KSR1: variants seen among roughly 807,000 people sequenced by gnomAD.
KSR1 encodes kinase suppressor of ras.
Under a neutral mutation model 92.9 loss-of-function variants are expected in KSR1, and 35 were observed. That is an observed-to-expected ratio of 0.38 (90% confidence interval 0.29 to 0.50). The LOEUF (loss-of-function observed/expected upper bound fraction) is 0.50. KSR1 is among the 20% of genes least tolerant of loss of function. KSR1 has a pLI of 0.94. For missense variants in KSR1, 972 were observed against 1,158.5 expected (o/e 0.84, Z 2.34); for synonymous variants, 467 against 472.6 (o/e 0.99, Z 0.15).
chr17:27,606,105 C>T lies in KSR1; in HGVS notation c.1994+292C>T, dbSNP rs144890606. On this transcript the variant is annotated intron_variant, in intron 14 of 20. Coordinates refer to ENST00000644974, the MANE Select transcript of KSR1 (RefSeq NM_001394583.1). ...GACCAGCCTGGGCAACATACTGAGA[C>T]GCTGTCTCTACAAAAAAATTAGCTG... 1.4e-4 allele frequency among the ~76,000 whole-genome samples: 21 copies of T among 152,180 alleles called. No individual in the cohort carries two copies. In the East Asian group the frequency reaches 2.9e-3, roughly 21 times the overall value.
intron 2 of KSR1, among the ~76,000 whole-genome samples, chr17:27,567,377 A>G (rs2072120641): frequency 6.6e-6 from 1 of 152,142 alleles, no homozygotes; most frequent in Non-Finnish European, 1.5e-5. Flanking sequence ...GATTGCTTGA[A>G]GCCAGGAGTT....
At chr17:27,544,670 T>C (rs150329867) in intron 1 of KSR1, among the ~76,000 whole-genome samples, 253 of 152,348 alleles carry the variant, frequency 1.7e-3, no homozygotes, top group Non-Finnish European at 2.5e-3. Context: ...TAATGACTCT[T>C]TCCTTCTTGC....
chr17:27,503,256 C>A (rs940006), intron 1 of KSR1, among the ~76,000 whole-genome samples: 72,763 of 152,042 alleles, frequency 0.48, 18,913 homozygotes, highest in East Asian at 0.69. Flanking sequence ...TGTCTGGAGA[C>A]ATTTTTGGTT....
intron 1 of KSR1, among the ~76,000 whole-genome samples, chr17:27,535,653 A>G (rs116189334): frequency 1.1e-3 from 169 of 152,108 alleles, no homozygotes; most frequent in African/African-American, 3.8e-3. Flanking sequence ...TGGTTTTCCT[A>G]TCAGCTGCCA....
chr17:27,475,776 G>A (rs1345366451), intron 1 of KSR1, among the ~76,000 whole-genome samples: 2 of 152,178 alleles, frequency 1.3e-5, no homozygotes, highest in African/African-American at 4.8e-5. Context: ...GGTAAGGGGA[G>A]GTTTGGCAGA....
intron 1 of KSR1, among the ~76,000 whole-genome samples, chr17:27,474,566 G>A (rs2068281759): frequency 6.6e-6 from 1 of 152,196 alleles, no homozygotes; most frequent in South Asian, 2.1e-4. Context: ...GGATTATAAT[G>A]GGGTCGTTTT....
intron 2 of KSR1, among the ~76,000 whole-genome samples, chr17:27,575,257 A>G (rs2072459766): frequency 6.6e-6 from 1 of 152,220 alleles, no homozygotes; most frequent in South Asian, 2.1e-4. Flanking sequence ...CCATATGCTA[A>G]ACTGGGGTAG....
intron 1 of KSR1, among the ~76,000 whole-genome samples, chr17:27,498,778 G>GA (rs1406209265): frequency 6.6e-6 from 1 of 152,176 alleles, no homozygotes; most frequent in Non-Finnish European, 1.5e-5. Flanking sequence ...CTGGGCATTG[G>GA]AATTTTTAAA....
chr17:27,607,368 A>G (rs1198802372), intron 14 of KSR1, among the ~76,000 whole-genome samples: 1 of 152,112 alleles, frequency 6.6e-6, no homozygotes, highest in African/African-American at 2.4e-5. Flanking sequence ...GAGTTGATGC[A>G]GGTGGCGACC....
intron 1 of KSR1, among the ~76,000 whole-genome samples, chr17:27,476,022 A>G (rs1471501341): frequency 1.3e-5 from 2 of 152,206 alleles, no homozygotes; most frequent in African/African-American, 4.8e-5. Flanking sequence ...TTCTTTTGCA[A>G]AAATTCCTTT....
intron 2 of KSR1, among the ~76,000 whole-genome samples, chr17:27,573,029 G>T (rs1185204279): frequency 6.6e-6 from 1 of 152,202 alleles, no homozygotes; most frequent in Admixed American, 6.5e-5. Flanking sequence ...TGGAGTACTT[G>T]CTACTGGGCC....
intron 2 of KSR1, among the ~76,000 whole-genome samples, chr17:27,553,054 G>A (rs958354161): frequency 2.6e-5 from 4 of 152,242 alleles, no homozygotes; most frequent in Non-Finnish European, 2.9e-5. Flanking sequence ...TGAGTCCTCC[G>A]TCTCAACCAC....
intron 1 of KSR1, among the ~76,000 whole-genome samples, chr17:27,547,682 A>T (rs905394773): frequency 3.3e-5 from 5 of 152,232 alleles, no homozygotes; most frequent in Non-Finnish European, 5.9e-5. Context: ...GCAGTCAGAC[A>T]AGGGATACTC....
chr17:27,604,762 C>T (rs1011316951), intron 13 of KSR1, 34 bp downstream of exon 13: 12 of 1,610,524 alleles, frequency 7.5e-6, no homozygotes, highest in South Asian at 1.1e-5. Context: ...ACAGATGGCC[C>T]CCCCTCTTTT....
chr17:27,481,163 GT>G (rs200231593), intron 1 of KSR1, among the ~76,000 whole-genome samples: 10 of 151,438 alleles, frequency 6.6e-5, no homozygotes, highest in African/African-American at 2.2e-4. Context: ...ACTTCAGGTA[GT>G]TTTTTTTTCT....
At chr17:27,556,408 C>CA (rs1251267270) in intron 2 of KSR1, among the ~76,000 whole-genome samples, 1 of 151,860 alleles carries the variant, frequency 6.6e-6, no homozygotes, top group Non-Finnish European at 1.5e-5. Context: ...TTTTTGTAGA[C>CA]ACAGGATCTC....
intron 1 of KSR1, among the ~76,000 whole-genome samples, chr17:27,521,524 C>T (rs983864193): frequency 1.3e-5 from 2 of 150,380 alleles, no homozygotes; most frequent in Non-Finnish European, 3.0e-5. Context: ...CCTGACTTCC[C>T]GGGCTCAGGC....
chr17:27,544,141 C>A (rs2071076485), intron 1 of KSR1, among the ~76,000 whole-genome samples: 1 of 152,118 alleles, frequency 6.6e-6, no homozygotes. Flanking sequence ...GTAGATCAAC[C>A]CCATTTTACA....
At chr17:27,520,255 C>T (rs999015283) in intron 1 of KSR1, among the ~76,000 whole-genome samples, 12 of 152,134 alleles carry the variant, frequency 7.9e-5, no homozygotes, top group African/African-American at 2.4e-4. Context: ...AATTTCCATT[C>T]CTGCAGAAGA....
Sources: allele counts gnomAD v4.1 joint callset (sites outside exome capture counted in the v4.1 genomes callset), GRCh38; gene constraint gnomAD v4.1.1; transcripts MANE v1.5; gene names NCBI Gene and HGNC (gene_info 2026-07-23, HGNC 2026-07-21).